AHCYL2: variants seen among roughly 807,000 people sequenced by gnomAD.
AHCYL2 encodes adenosylhomocysteinase like 2.
In AHCYL2, 28 loss-of-function variants were observed where a neutral mutation model predicts 81.4. The observed-to-expected ratio is 0.34, with a 90% CI of 0.25 to 0.47. The LOEUF is 0.47. AHCYL2 is among the 20% of genes least tolerant of loss of function. AHCYL2 has a pLI of 1.00. For synonymous variants in AHCYL2, 272 were observed against 290.2 expected (o/e 0.94, Z 0.64); for missense variants, 551 against 785.1 (o/e 0.70, Z 3.56).
chr7:129,396,179 G>GT (rs559586201), intron 4 of AHCYL2, among the ~76,000 whole-genome samples: 204 of 151,818 alleles, frequency 1.3e-3, no homozygotes, highest in African/African-American at 4.9e-3. Flanking sequence ...CTGGACTGCA[G>GT]TGGCACAATC....
chr7:129,390,964 C>T (rs971154821), intron 4 of AHCYL2, among the ~76,000 whole-genome samples: 2 of 151,904 alleles, frequency 1.3e-5, no homozygotes, highest in East Asian at 3.9e-4. Flanking sequence ...TGTCCAGGTA[C>T]ATATAATCTT....
chr7:129,364,151 A>C (rs1030377002), intron 1 of AHCYL2, among the ~76,000 whole-genome samples: 1 of 152,110 alleles, frequency 6.6e-6, no homozygotes, highest in African/African-American at 2.4e-5. Flanking sequence ...AGGTGGCAGG[A>C]TCACTTGAGC....
chr7:129,262,336 T>G (rs1431131548), intron 1 of AHCYL2, among the ~76,000 whole-genome samples: 1 of 152,212 alleles, frequency 6.6e-6, no homozygotes, highest in East Asian at 1.9e-4. Context: ...TGAATATTTA[T>G]GAAAGGAGAA....
chr7:129,285,823 A>T (rs139466684), intron 1 of AHCYL2, among the ~76,000 whole-genome samples: 137 of 147,952 alleles, frequency 9.3e-4, no homozygotes, highest in African/African-American at 3.3e-3. Context: ...CAATCCTCCC[A>T]CCTTGGTCTC....
intron 1 of AHCYL2, among the ~76,000 whole-genome samples, chr7:129,359,815 C>T (rs148967667): frequency 6.1e-4 from 93 of 152,312 alleles, no homozygotes; most frequent in African/African-American, 2.0e-3. Flanking sequence ...CCATACTCCA[C>T]TCCTGGATTC....
rs1249978108 is a variant in AHCYL2, at chr7:129,397,344, G to T, written c.823+20G>T. ...AAAGTGGTAAGAGCTTATTCTCTGTGCCTTTGGCTAAAGTAAGTCTATTTG... is the reference window on the plus strand; with the variant it reads ...AAAGTGGTAAGAGCTTATTCTCTGTTCCTTTGGCTAAAGTAAGTCTATTTG... On this transcript the variant is annotated intron_variant, in intron 5 of 16. Transcript: ENST00000325006. 1 of 1,608,868 alleles carries T rather than the reference G, an allele frequency of 6.2e-7. No individual in the cohort carries two copies. Among genetic ancestry groups the T allele is most frequent in the African/African-American group, 1.3e-5 (1 of 74,736 alleles).
At chr7:129,410,725 A>G (rs1796528187) in intron 11 of AHCYL2, among the ~76,000 whole-genome samples, 1 of 152,236 alleles carries the variant, frequency 6.6e-6, no homozygotes, top group South Asian at 2.1e-4. Context: ...GTTTTAAAGA[A>G]TATGCAGAAA....
rs574659830 is a variant in AHCYL2 at position 129,405,999 on chromosome 7, A to G, written c.1206+100A>G. Reference sequence around the variant, plus strand: ...TGGACATATGAGTACACCCTTTACCACTTTAGATGAGAAAAAGAATTTCAG... The same window carrying G: ...TGGACATATGAGTACACCCTTTACCGCTTTAGATGAGAAAAAGAATTTCAG... On this transcript the variant is annotated intron_variant, in intron 9 of 16. Transcript: ENST00000325006. 481 of 1,088,784 alleles carry G rather than the reference A, an allele frequency of 4.4e-4. 8 individuals carry two copies. The South Asian group carries it at 7.3e-3, about 17-fold the overall frequency. The allele number at this position is 1,088,784 out of a possible 1,614,324, so 67.4% of individuals were successfully genotyped here.
At chr7:129,291,354 T>C (rs1459898128) in intron 1 of AHCYL2, among the ~76,000 whole-genome samples, 1 of 152,196 alleles carries the variant, frequency 6.6e-6, no homozygotes, top group Non-Finnish European at 1.5e-5. Context: ...GTAGGATTAT[T>C]ATCATCGTCT....
chr7:129,413,817 C>A, intron 12 of AHCYL2, 129 bp downstream of exon 12: 1 of 720,030 alleles, frequency 1.4e-6, no homozygotes, highest in Non-Finnish European at 2.4e-6. Flanking sequence ...CACATCTTTT[C>A]ACTTACTAGC....
At chr7:129,417,477 A>G (rs1438437315) in intron 12 of AHCYL2, among the ~76,000 whole-genome samples, 1 of 152,242 alleles carries the variant, frequency 6.6e-6, no homozygotes, top group African/African-American at 2.4e-5. Context: ...TTATTTTAAA[A>G]GAATTGCCCT....
At chr7:129,323,366 T>G (rs1798106566) in intron 1 of AHCYL2, among the ~76,000 whole-genome samples, 1 of 152,162 alleles carries the variant, frequency 6.6e-6, no homozygotes, top group Admixed American at 6.5e-5. Flanking sequence ...ATTTGAGGGA[T>G]TTTCCAGACA....
At chr7:129,314,831 A>G (rs1202633354) in intron 1 of AHCYL2, among the ~76,000 whole-genome samples, 1 of 152,204 alleles carries the variant, frequency 6.6e-6, no homozygotes, top group Non-Finnish European at 1.5e-5. Context: ...GTACTCTGGA[A>G]TAAGGTTCTA....
chr7:129,388,009 A>T (rs898037838), intron 2 of AHCYL2: 5 of 152,208 alleles, frequency 3.3e-5, no homozygotes, highest in African/African-American at 1.2e-4. Flanking sequence ...AAGAAATCTC[A>T]GAAATGCCTT....
chr7:129,398,225 G>C (rs929893682), intron 5 of AHCYL2, among the ~76,000 whole-genome samples: 1 of 150,684 alleles, frequency 6.6e-6, no homozygotes, highest in African/African-American at 2.4e-5. Context: ...TGCTCAGGCT[G>C]GTCTCAAACA....
intron 4 of AHCYL2, among the ~76,000 whole-genome samples, chr7:129,391,553 T>G (rs1182916254): frequency 6.6e-6 from 1 of 152,196 alleles, no homozygotes; most frequent in African/African-American, 2.4e-5. Flanking sequence ...GCCCCCACAA[T>G]TTTCTAGATC....
intron 1 of AHCYL2, among the ~76,000 whole-genome samples, chr7:129,245,934 T>G (rs1042874511): frequency 6.6e-6 from 1 of 152,240 alleles, no homozygotes; most frequent in South Asian, 2.1e-4. Context: ...CATACCGTTT[T>G]CCATAGCAAC....
At chr7:129,239,475 GGCTGGAGTGCAGTGGT>G (rs1333470932) in intron 1 of AHCYL2, among the ~76,000 whole-genome samples, 1 of 149,322 alleles carries the variant, frequency 6.7e-6, no homozygotes, top group South Asian at 2.1e-4. Context: ...TTGATACCCA[GGCTGGAGTGCAGTGGT>G]GCTGGAGTGC....
Position 129,320,832 on chromosome 7 carries a change from C to T in AHCYL2, c.364-58806C>T, listed in dbSNP as rs117061555. Reference sequence around the variant, plus strand: ...AACCACTAACCTACTTTCTGTCTCTCGATTTGCTGATTCTGGACTTTCATA... The same window carrying T: ...AACCACTAACCTACTTTCTGTCTCTTGATTTGCTGATTCTGGACTTTCATA... On this transcript the variant is annotated intron_variant, in intron 1 of 16. Transcript: ENST00000325006. Among the ~76,000 whole-genome samples, 622 of 152,240 alleles carry T rather than the reference C, an allele frequency of 4.1e-3. 2 individuals are homozygous for T. The highest frequency in any genetic ancestry group is 6.6e-3 in the Non-Finnish European group (449 of 68,020).
Sources: allele counts gnomAD v4.1 joint callset (sites outside exome capture counted in the v4.1 genomes callset), GRCh38; gene constraint gnomAD v4.1.1; transcripts MANE v1.5; gene names NCBI Gene and HGNC (gene_info 2026-07-23, HGNC 2026-07-21).